The following KDM3A variants were observed in gnomAD, a reference collection of about 807,000 sequenced individuals.
KDM3A encodes the protein lysine-specific demethylase 3A.
KDM3A carries 60 observed loss-of-function variants against 158.0 expected under a neutral mutation model. The observed-to-expected ratio is 0.38, with a 90% CI of 0.31 to 0.47. The LOEUF (loss-of-function observed/expected upper bound fraction) is 0.47, where lower values mean the gene tolerates loss of function less well. KDM3A is among the 20% of genes least tolerant of loss of function. KDM3A has a pLI of 0.99. For synonymous variants in KDM3A, 608 were observed against 549.3 expected (o/e 1.11, Z -1.49); for missense variants, 1,319 against 1,574.3 (o/e 0.84, Z 2.74).
Position 86,490,868 on chromosome 2 carries a change from G to T in KDM3A, c.3574-13G>T. 1 of 1,600,378 alleles carries T rather than the reference G, an allele frequency of 6.2e-7. No homozygotes were observed. Among genetic ancestry groups the T allele is most frequent in the South Asian group, 1.1e-5 (1 of 89,016 alleles). ...ATGTTACTGAGTTGCATAATATTTT[G>T]AATGTATTCTAGGTATCAGAAGAGC... On this transcript the variant is annotated splice_polypyrimidine_tract_variant and intron_variant, in intron 23 of 25. Coordinates refer to ENST00000312912, the MANE Select transcript of KDM3A (RefSeq NM_018433.6).
chr2:86,437,854 ATT>A (rs1421777552), upstream of KDM3A, among the ~76,000 whole-genome samples: 1 of 152,024 alleles, frequency 6.6e-6, no homozygotes, highest in Non-Finnish European at 1.5e-5. Context: ...TTGATCTTTT[ATT>A]GCATTATCTT....
chr2:86,486,454 A>G (rs1674184945), intron 21 of KDM3A, among the ~76,000 whole-genome samples: 1 of 152,210 alleles, frequency 6.6e-6, no homozygotes, highest in African/African-American at 2.4e-5. Flanking sequence ...TCAGTTTTAC[A>G]CATGGCCTTT....
intron 23 of KDM3A, 178 bp from the exon 24 acceptor site, chr2:86,490,703 C>G (rs370422734): frequency 1.0e-3 from 536 of 532,810 alleles, no homozygotes; most frequent in Non-Finnish European, 1.6e-3. Context: ...CTTCGTCATT[C>G]TTCTGTTGGT....
chr2:86,453,470 AT>A (rs1672555799), intron 4 of KDM3A, among the ~76,000 whole-genome samples: 1 of 152,144 alleles, frequency 6.6e-6, no homozygotes, highest in Non-Finnish European at 1.5e-5. Context: ...TTTAGATTGA[AT>A]TTTACTCAGT....
In KDM3A at chr2:86,466,542, C is replaced by T. The variant is rs746092509; in HGVS notation, c.1178C>T (p.Pro393Leu). The change falls in exon 10 of 26, where the codon CCT becomes CTT. Residue 393 changes from proline (P) to leucine (L), a missense_variant. Pro to Leu is a moderately conservative substitution (Grantham distance 98). Around this residue, in one of 4 missense-constraint regions of KDM3A, gnomAD observed 652 missense variants for 627.2 expected, o/e 1.04. Coordinates refer to ENST00000312912, the MANE Select transcript of KDM3A (RefSeq NM_018433.6). Reference sequence around the variant, plus strand: ...GAGCCAAAAGGCAGCTGTACTCAGCCTAAGACAAACACTGATCAGGAAAAC... The same window carrying T: ...GAGCCAAAAGGCAGCTGTACTCAGCTTAAGACAAACACTGATCAGGAAAAC... The part of the protein sequence containing the change: ...LTEPKGSCTQ[P>L]KTNTDQENRL... 1.9e-6 allele frequency: 3 copies of T among 1,613,912 alleles called. No homozygotes were observed. In the Admixed American group the frequency reaches 5.0e-5, roughly 27 times the overall value.
intron 23 of KDM3A, 69 bp downstream of exon 23, chr2:86,489,728 AACTG>A: frequency 6.6e-7 from 1 of 1,507,642 alleles, no homozygotes; most frequent in Non-Finnish European, 8.9e-7. Flanking sequence ...ACATGTGGTG[AACTG>A]ACTGGCTTGG....
Position 86,455,199 on chromosome 2 carries a change from A to T in KDM3A, c.556+12A>T. 7.1e-7 allele frequency: 1 copy of T among 1,409,508 alleles called. No individual in the cohort carries two copies. The highest frequency in any genetic ancestry group is 1.4e-5 in the African/African-American group (1 of 69,448). The allele number at this position is 1,409,508 out of a possible 1,614,324, so 87.3% of individuals were successfully genotyped here. On this transcript the variant is annotated intron_variant, in intron 5 of 25. Coordinates refer to ENST00000312912, the MANE Select transcript of KDM3A (RefSeq NM_018433.6). ...CCATCTTTTAAAAGGTATATGCATT[A>T]TCTAGTGGTGATAGTTCACGAGTTG...
intron 8 of KDM3A, among the ~76,000 whole-genome samples, chr2:86,461,361 C>G (rs1252351461): frequency 1.3e-5 from 2 of 152,180 alleles, no homozygotes; most frequent in Non-Finnish European, 2.9e-5. Flanking sequence ...CTAGACTGAT[C>G]TACAGTGGTG....
In KDM3A at chr2:86,489,676, A is replaced by C. The variant is rs367860629; in HGVS notation, c.3573+17A>C. 2.5e-6 allele frequency: 4 copies of C among 1,601,382 alleles called. No homozygotes were observed. The African/African-American group carries it at 5.4e-5, about 22-fold the overall frequency. On this transcript the variant is annotated intron_variant, in intron 23 of 25. Coordinates refer to ENST00000312912, the MANE Select transcript of KDM3A (RefSeq NM_018433.6). ...CTTAAAAAGGTGTGCTGCTTATGGC[A>C]TGTGTGAACAGAGGCATAAGGAATA...
chr2:86,439,416 T>G (rs1206026529), upstream of KDM3A, among the ~76,000 whole-genome samples: 2 of 152,096 alleles, frequency 1.3e-5, no homozygotes, highest in African/African-American at 2.4e-5. Context: ...GAACCATAGT[T>G]TTTCTTTCTT....
intron 9 of KDM3A, among the ~76,000 whole-genome samples, chr2:86,464,872 A>G (rs931387663): frequency 6.6e-6 from 1 of 152,188 alleles, no homozygotes; most frequent in Non-Finnish European, 1.5e-5. Flanking sequence ...AGACTGTGGT[A>G]TAGAAAAGTA....
At chr2:86,443,470 A>G (rs575281406) in intron 2 of KDM3A, 3 of 152,314 alleles carry the variant, frequency 2.0e-5, no homozygotes, top group South Asian at 2.1e-4. Context: ...ACCGAAGAGC[A>G]TTTAACCATG....
chr2:86,478,051 C>T lies in KDM3A; in HGVS notation c.2092+22C>T, dbSNP rs898074381. 4.3e-6 allele frequency: 7 copies of T among 1,613,664 alleles called. No individual in the cohort carries two copies. The Admixed American group carries it at 1.0e-4, about 23-fold the overall frequency. On this transcript the variant is annotated intron_variant, in intron 13 of 25. Transcript: ENST00000312912. ...CAGGGTGAGAACCGATTTGATTCTC[C>T]TCCAGCCCCTCTACACAGTTAAATC... is the stretch of plus-strand genomic sequence containing the variant.
chr2:86,441,927 T>C (rs1347885139), intron 1 of KDM3A, 91 bp from the exon 2 acceptor site: 7 of 1,041,240 alleles, frequency 6.7e-6, no homozygotes, highest in Non-Finnish European at 9.6e-6. Context: ...CTCGCGCGGG[T>C]TCGGCGCCCT....
At chr2:86,481,781 A>T in intron 16 of KDM3A, 149 bp from the exon 17 acceptor site, 1 of 624,318 alleles carries the variant, frequency 1.6e-6, no homozygotes, top group Non-Finnish European at 2.8e-6. Flanking sequence ...CGTCTAAGTA[A>T]ATCATATCAT....
At chr2:86,488,669 T>G (rs1488189068) in intron 21 of KDM3A, 2 of 152,306 alleles carry the variant, frequency 1.3e-5, no homozygotes, top group African/African-American at 2.4e-5. Flanking sequence ...AAGCTGTGCT[T>G]CTCCCTACTG....
intron 5 of KDM3A, among the ~76,000 whole-genome samples, chr2:86,455,926 A>G (rs2104642194): frequency 6.7e-6 from 1 of 149,696 alleles, no homozygotes; most frequent in African/African-American, 2.5e-5. Flanking sequence ...GCTACACTCC[A>G]GCCTGGGTGA....
At chr2:86,468,161 G>A (rs1673242035) in intron 10 of KDM3A, among the ~76,000 whole-genome samples, 2 of 152,194 alleles carry the variant, frequency 1.3e-5, no homozygotes, top group Admixed American at 6.5e-5. Context: ...TTTGACTTGC[G>A]AATCTTTTTA....
chr2:86,444,053 A>G (rs910607130), intron 2 of KDM3A, among the ~76,000 whole-genome samples: 1 of 152,198 alleles, frequency 6.6e-6, no homozygotes, highest in Admixed American at 6.5e-5. Flanking sequence ...TGTAGCAGCA[A>G]TTGAGGACCT....
Sources: gnomAD v4.1 joint callset for allele counts (sites outside exome capture counted in the v4.1 genomes callset) on GRCh38, gnomAD v4.1.1 for gene constraint, gnomAD v4.1.1 regional missense constraint, MANE v1.5 for transcripts, NCBI Gene and HGNC (gene_info 2026-07-23, HGNC 2026-07-21) for gene names.